The following NMNAT3 variants were observed in gnomAD, a reference collection of about 807,000 sequenced individuals.
The protein encoded by NMNAT3 is nicotinamide/nicotinic acid mononucleotide adenylyltransferase 3.
A neutral mutation model predicts 24.8 loss-of-function variants in NMNAT3; 21 were observed. That is an observed-to-expected ratio of 0.85 (90% confidence interval 0.60 to 1.22). The LOEUF (loss-of-function observed/expected upper bound fraction) is 1.22. Among genes scored for constraint, NMNAT3 ranks in the 50% most tolerant of loss-of-function variants. The probability of loss-of-function intolerance (pLI) is 0.00; values close to 1 mark genes in which losing one functional copy is unlikely to be tolerated. For missense variants in NMNAT3, 387 were observed against 436.6 expected (o/e 0.89, Z 1.01); for synonymous variants, 136 against 155.2 (o/e 0.88, Z 0.92).
At chr3:139,589,679 T>C (rs1222068898) in intron 3 of NMNAT3, among the ~76,000 whole-genome samples, 1 of 152,232 alleles carries the variant, frequency 6.6e-6, no homozygotes, top group East Asian at 1.9e-4. Flanking sequence ...ACAGTTTTTA[T>C]GGGCCACATA....
chr3:139,580,101 GT>G (rs1335553695), intron 4 of NMNAT3, among the ~76,000 whole-genome samples: 2 of 152,162 alleles, frequency 1.3e-5, no homozygotes, highest in Admixed American at 6.5e-5. Context: ...TATCAAGGTT[GT>G]GCTAGCCTCA....
At chr3:139,606,003 T>A (rs2054926196) in intron 3 of NMNAT3, among the ~76,000 whole-genome samples, 1 of 152,186 alleles carries the variant, frequency 6.6e-6, no homozygotes, top group South Asian at 2.1e-4. Context: ...ACATATTTTA[T>A]TTTTAAATAA....
At chr3:139,620,100 A>T (rs1253009899) in intron 3 of NMNAT3, among the ~76,000 whole-genome samples, 1 of 151,926 alleles carries the variant, frequency 6.6e-6, no homozygotes, top group Non-Finnish European at 1.5e-5. Context: ...ATCTCTGTGG[A>T]ATTTTATAGT....
At chr3:139,595,474 T>C (rs2054405697) in intron 3 of NMNAT3, among the ~76,000 whole-genome samples, 1 of 152,172 alleles carries the variant, frequency 6.6e-6, no homozygotes, top group African/African-American at 2.4e-5. Flanking sequence ...AAAGTTCATA[T>C]GGAACCAAAA....
chr3:139,629,477 T>C (rs1348220297), intron 2 of NMNAT3, among the ~76,000 whole-genome samples: 2 of 152,212 alleles, frequency 1.3e-5, no homozygotes, highest in Non-Finnish European at 2.9e-5. Flanking sequence ...ATGTGTTATC[T>C]TAAGCTGCTA....
chr3:139,599,305 G>C (rs2108211034), intron 3 of NMNAT3: 1 of 702,406 alleles, frequency 1.4e-6, no homozygotes, highest in East Asian at 2.7e-5. Context: ...CCCTTTTGCA[G>C]ACTTCAGTTC....
Position 139,577,633 on chromosome 3 carries a change from CA to C in NMNAT3, c.575+1238del, listed in dbSNP as rs370508538. ...AGCCTAGATAAATGAGAAATGACTG[CA>C]TGACTCATTCTAAAAGGATGATCTA... is the stretch of plus-strand genomic sequence containing the variant. On this transcript the variant is annotated intron_variant, in intron 5 of 6. Coordinates refer to ENST00000643695, the MANE Select transcript of NMNAT3 (RefSeq NM_001320510.2). Among the ~76,000 whole-genome samples the C allele has an allele frequency of 1.1e-4, 17 of 152,278 alleles. No individual in the cohort carries two copies. The East Asian group carries it at 2.1e-3, about 19-fold the overall frequency.
intron 3 of NMNAT3, among the ~76,000 whole-genome samples, chr3:139,595,303 A>G (rs1475474552): frequency 1.3e-5 from 2 of 152,186 alleles, no homozygotes; most frequent in Non-Finnish European, 2.9e-5. Context: ...TGCTCAAGGA[A>G]ATGAAAGAGG....
At chr3:139,627,938 T>C (rs1404921913) in intron 2 of NMNAT3, among the ~76,000 whole-genome samples, 174 bp from the exon 4 acceptor site, 3 of 152,246 alleles carry the variant, frequency 2.0e-5, no homozygotes, top group African/African-American at 7.2e-5. Context: ...CCAAGTGCTA[T>C]GCCAAGGCGT....
intron 2 of NMNAT3, among the ~76,000 whole-genome samples, chr3:139,632,663 G>C (rs1311287113): frequency 6.6e-6 from 1 of 152,184 alleles, no homozygotes; most frequent in East Asian, 1.9e-4. Flanking sequence ...TGCAATAGGA[G>C]GCAATGCAGA....
At chr3:139,654,386 G>A (rs1049450512) in intron 1 of NMNAT3, among the ~76,000 whole-genome samples, 6 of 152,172 alleles carry the variant, frequency 3.9e-5, no homozygotes, top group Non-Finnish European at 8.8e-5. Context: ...CAGACGCTGG[G>A]TTACAAAGCA....
chr3:139,581,369 C>CT (rs34310912), intron 4 of NMNAT3, among the ~76,000 whole-genome samples: 6,437 of 143,544 alleles, frequency 0.045, 418 homozygotes, highest in African/African-American at 0.14. Flanking sequence ...AGGAGAACAT[C>CT]TTTTTTTTTT....
intron 3 of NMNAT3, among the ~76,000 whole-genome samples, chr3:139,624,409 A>C (rs976303718): frequency 6.6e-6 from 1 of 151,402 alleles, no homozygotes; most frequent in Non-Finnish European, 1.5e-5. Context: ...GTGGTCAGAG[A>C]ATACACTTTG....
chr3:139,582,639 C>CAAAAAAAAA (rs58495559), intron 4 of NMNAT3, among the ~76,000 whole-genome samples: 1 of 57,484 alleles, frequency 1.7e-5, no homozygotes, highest in African/African-American at 8.1e-5. Context: ...GGGACTGTCT[C>CAAAAAAAAA]AAAAAAAAAA....
At chr3:139,652,578 T>G (rs1157120082) in intron 1 of NMNAT3, among the ~76,000 whole-genome samples, 3 of 152,070 alleles carry the variant, frequency 2.0e-5, no homozygotes, top group Non-Finnish European at 4.4e-5. Flanking sequence ...AAGAGCAGCC[T>G]ATGGGGGGCA....
At chr3:139,578,133 G>A (rs1420241991) in intron 5 of NMNAT3, among the ~76,000 whole-genome samples, 1 of 152,190 alleles carries the variant, frequency 6.6e-6, no homozygotes, top group African/African-American at 2.4e-5. Context: ...AGCCAGGAGA[G>A]GTGGGACTTC....
chr3:139,597,839 A>G (rs2054548085), intron 3 of NMNAT3, among the ~76,000 whole-genome samples: 1 of 152,208 alleles, frequency 6.6e-6, no homozygotes, highest in Non-Finnish European at 1.5e-5. Context: ...TGCTATCTAC[A>G]TGAGAAGAAT....
At chr3:139,575,582 C>T in intron 5 of NMNAT3, 1 of 996,738 alleles carries the variant, frequency 1.0e-6, no homozygotes. Flanking sequence ...ATTTTACTTA[C>T]CTTGAAGGTC....
chr3:139,648,165 G>A (rs561097953), intron 1 of NMNAT3, among the ~76,000 whole-genome samples: 1 of 152,282 alleles, frequency 6.6e-6, no homozygotes, highest in African/African-American at 2.4e-5. Context: ...GTGATAGTGG[G>A]AGAGTTCTCA....
Sources: gnomAD v4.1 joint callset for allele counts (sites outside exome capture counted in the v4.1 genomes callset) on GRCh38, gnomAD v4.1.1 for gene constraint, MANE v1.5 for transcripts, NCBI Gene and HGNC (gene_info 2026-07-23, HGNC 2026-07-21) for gene names.